The following IGSF23 variants were observed in gnomAD, a reference collection of about 807,000 sequenced individuals.
IGSF23 encodes the protein immunoglobulin superfamily, member 23.
IGSF23 carries 14 observed loss-of-function variants against 17.8 expected under a neutral mutation model. The observed-to-expected ratio is 0.79, with a 90% CI of 0.52 to 1.23. The LOEUF is 1.23. Among genes scored for constraint, IGSF23 ranks in the 50% most tolerant of loss-of-function variants. The pLI is 0.00. For synonymous variants in IGSF23, 85 were observed against 92.5 expected (o/e 0.92, Z 0.46); for missense variants, 214 against 241.7 (o/e 0.89, Z 0.76).
chr19:44,632,268 T>G, intron 3 of IGSF23: 1 of 207,982 alleles, frequency 4.8e-6, no homozygotes. Context: ...CAGCCAAGAT[T>G]GATGAATATG....
chr19:44,627,673 C>G (rs1972684088), intron 3 of IGSF23, 100 bp downstream of exon 3: 2 of 1,339,988 alleles, frequency 1.5e-6, no homozygotes, highest in East Asian at 2.6e-5. Flanking sequence ...AACCAACACC[C>G]CCATCAGGGA....
At chr19:44,628,170 C>G (rs1294679606) in intron 3 of IGSF23, among the ~76,000 whole-genome samples, 2 of 152,048 alleles carry the variant, frequency 1.3e-5, no homozygotes, top group African/African-American at 4.8e-5. Flanking sequence ...ATCTCAAACT[C>G]CTGACCTCAT....
chr19:44,620,341 T>TTGTG (rs373422531), intron 1 of IGSF23, among the ~76,000 whole-genome samples: 11,511 of 139,124 alleles, frequency 0.083, 480 homozygotes, highest in South Asian at 0.12. Context: ...ATGACTAATT[T>TTGTG]TGTGTGTGTG....
At chr19:44,636,154 G>A (rs1361914337) in intron 4 of IGSF23, among the ~76,000 whole-genome samples, 1 of 152,130 alleles carries the variant, frequency 6.6e-6, no homozygotes. Context: ...GCTCAAAATG[G>A]ACATGCCATC....
chr19:44,625,793 G>A lies in IGSF23; in HGVS notation c.392-1627G>A, dbSNP rs560434034. 1.4e-4 allele frequency among the ~76,000 whole-genome samples: 22 copies of A among 152,190 alleles called. No individual in the cohort carries two copies. The Middle Eastern group carries it at 0.01, about 71-fold the overall frequency. ...TCCCCATGTGTCATGAGAGGGACCC[G>A]GTAGGAGGTAACTGAATCATGGGGT... On this transcript the variant is annotated intron_variant, in intron 2 of 4. Transcript: ENST00000402988.
At position 44,614,880 on chromosome 19, in the gene IGSF23, T is replaced by G. The variant is rs146411670; in HGVS notation, c.125+1110T>G. Among the ~76,000 whole-genome samples the G allele has an allele frequency of 5.2e-4, 79 of 152,334 alleles. No homozygotes were observed. The East Asian group carries it at 0.015, about 28-fold the overall frequency. On this transcript the variant is annotated intron_variant, in intron 1 of 4. Coordinates refer to ENST00000402988, the MANE Select transcript of IGSF23 (RefSeq NM_001205280.2). ...CCTCTCCAGGTCACACACTTGGAAG[T>G]GGCAGACTGAAGATTTGAAGCCAGA... is the stretch of plus-strand genomic sequence containing the variant.
In IGSF23 at chr19:44,627,470, C is replaced by G; in HGVS notation, c.442C>G (p.Leu148Val). 2 of 1,550,486 alleles carry G rather than the reference C, an allele frequency of 1.3e-6. No homozygotes were observed. Among genetic ancestry groups the G allele is most frequent in the Non-Finnish European group, 1.7e-6 (2 of 1,146,924 alleles). ...AGAGCCCATGGAGCCAGACCCCACT[C>G]TGTCCCTGTCAGGAGGCTCTGCCAT... ...EAEPMEPDPT[L>V]SLSGGSAIGL... is the part of the protein sequence containing the mutation. Residue 148 changes from leucine (L) to valine (V), a missense_variant, in exon 3 of 5, where the codon CTG becomes GTG. Leu to Val is a conservative substitution (Grantham distance 32). Transcript: ENST00000402988.
chr19:44,633,253 G>A (rs1389906028), intron 3 of IGSF23, among the ~76,000 whole-genome samples: 2 of 152,150 alleles, frequency 1.3e-5, no homozygotes, highest in Admixed American at 1.3e-4. Context: ...TTTACTCAGC[G>A]GCCACTGTTC....
At chr19:44,635,915 C>G (rs1599748528) in intron 4 of IGSF23, among the ~76,000 whole-genome samples, 2 of 152,292 alleles carry the variant, frequency 1.3e-5, no homozygotes, top group Middle Eastern at 6.8e-3. Context: ...TCCATTTGGG[C>G]TGGGCTCAGC....
chr19:44,623,622 A>C, intron 1 of IGSF23, 85 bp from the exon 2 acceptor site: 1 of 1,268,862 alleles, frequency 7.9e-7, no homozygotes, highest in Non-Finnish European at 1.1e-6. Context: ...GAAAGAATGG[A>C]TGTCTCTATG....
rs1972898055 is a variant in IGSF23 at position 44,636,779 on chromosome 19, C to T, written c.*392C>T. The T allele has an allele frequency of 6.6e-6, 1 of 152,138 alleles. No homozygotes were observed. The highest frequency in any genetic ancestry group is 1.5e-5 in the Non-Finnish European group (1 of 68,016). The allele number at this position is 152,138 out of a possible 1,614,324, so 9.4% of individuals were successfully genotyped here. A position where few individuals can be genotyped will look rare whatever the true frequency, so the allele number is the denominator to read the frequency against. On this transcript the variant is annotated 3_prime_UTR_variant, in exon 5 of 5. Coordinates refer to ENST00000402988, the MANE Select transcript of IGSF23 (RefSeq NM_001205280.2). ...AACCAAAAAATAAATTAAAACACCA[C>T]CACTTCTGAATGGTTTCTCATGAAG...
intron 4 of IGSF23, among the ~76,000 whole-genome samples, chr19:44,636,085 A>G (rs779400430): frequency 1.3e-5 from 2 of 152,150 alleles, no homozygotes; most frequent in Non-Finnish European, 2.9e-5. Flanking sequence ...GCTTGTTCAC[A>G]TGGCAGAGGC....
chr19:44,635,372 C>G (rs200033781), intron 3 of IGSF23, 29 bp from the exon 4 acceptor site: 69 of 882,510 alleles, frequency 7.8e-5, no homozygotes, highest in African/African-American at 1.5e-4. Flanking sequence ...CTCTCTCTCT[C>G]TCTGTCTCTC....
intron 1 of IGSF23, among the ~76,000 whole-genome samples, chr19:44,615,683 T>C (rs1334689237): frequency 2.0e-5 from 3 of 151,786 alleles, no homozygotes; most frequent in Non-Finnish European, 4.4e-5. Context: ...GTCCACCTAG[T>C]TCAAAGCTTT....
At position 44,613,627 on chromosome 19, in the gene IGSF23, G is replaced by T; in HGVS notation, c.-19G>T. On this transcript the variant is annotated 5_prime_UTR_variant, in exon 1 of 5. Coordinates refer to ENST00000402988, the MANE Select transcript of IGSF23 (RefSeq NM_001205280.2). ...CTGCTTCTCCCTCCATCTCCCGGCG[G>T]GGATTGTACGGTGAGAGAATGAGAG... The T allele has an allele frequency of 6.5e-7, 1 of 1,529,422 alleles. No homozygotes were observed. The highest frequency in any genetic ancestry group is 8.8e-7 in the Non-Finnish European group (1 of 1,132,178). 94.7% of individuals were successfully genotyped at this position (1,529,422 alleles called of 1,614,324 possible).
At chr19:44,630,557 T>G (rs1030919785) in intron 3 of IGSF23, among the ~76,000 whole-genome samples, 6 of 152,218 alleles carry the variant, frequency 3.9e-5, no homozygotes, top group African/African-American at 1.4e-4. Flanking sequence ...CCTGCCCTCA[T>G]GAGCAGGCAA....
At chr19:44,630,526 C>T (rs1010634402) in intron 3 of IGSF23, among the ~76,000 whole-genome samples, 2 of 152,218 alleles carry the variant, frequency 1.3e-5, no homozygotes, top group African/African-American at 4.8e-5. Flanking sequence ...CATGAAAATC[C>T]TCACCCAGGC....
intron 3 of IGSF23, chr19:44,632,482 G>C (rs1024842010): frequency 1.9e-5 from 3 of 155,146 alleles, no homozygotes; most frequent in Non-Finnish European, 2.9e-5. Context: ...TGACAGTTGG[G>C]GTCCTCCTCA....
chr19:44,630,242 A>AG (rs1249011603), intron 3 of IGSF23, among the ~76,000 whole-genome samples: 3 of 152,160 alleles, frequency 2.0e-5, no homozygotes, highest in Non-Finnish European at 4.4e-5. Flanking sequence ...ACAACCATCT[A>AG]GGGGCAAGGG....
Sources: allele counts gnomAD v4.1 joint callset (sites outside exome capture counted in the v4.1 genomes callset), GRCh38; gene constraint gnomAD v4.1.1; transcripts MANE v1.5; gene names NCBI Gene and HGNC (gene_info 2026-07-23, HGNC 2026-07-21).